Variants in SLC7A11 observed in about 807,000 individuals in gnomAD.
The protein encoded by SLC7A11 is solute carrier family 7 member 11, also known as cystine/glutamate transporter.
Under a neutral mutation model 54.5 loss-of-function variants are expected in SLC7A11, and 35 were observed. That is an observed-to-expected ratio of 0.64 (90% CI 0.49 to 0.85). The LOEUF (loss-of-function observed/expected upper bound fraction) is 0.85, where lower values mean the gene tolerates loss of function less well. SLC7A11 is among the 40% of genes least tolerant of loss of function. The probability of loss-of-function intolerance (pLI) is 0.00; values close to 1 mark genes in which losing one functional copy is unlikely to be tolerated. For missense variants in SLC7A11, 583 were observed against 618.1 expected (o/e 0.94, Z 0.60); for synonymous variants, 230 against 225.2 (o/e 1.02, Z -0.19).
chr4:138,179,788 G>A (rs898772279), intron 10 of SLC7A11, among the ~76,000 whole-genome samples: 9 of 152,102 alleles, frequency 5.9e-5, no homozygotes, highest in South Asian at 2.1e-4. Flanking sequence ...GGAGTCAAGA[G>A]CACCGGCTGC....
Position 138,236,359 on chromosome 4 carries a change from A to G in SLC7A11, c.370T>C (p.Phe124Leu). 6.2e-7 allele frequency: 1 copy of G among 1,613,576 alleles called. No homozygotes were observed. The highest frequency in any genetic ancestry group is 8.5e-7 in the Non-Finnish European group (1 of 1,179,652). Residue 124 changes from phenylalanine (F) to leucine (L), a missense_variant, in exon 2 of 12, where the codon TTT (phenylalanine) becomes CTT (leucine). Transcript: ENST00000280612. ...ILEVFGPLPA[F>L]VRVWVELLII... Reference sequence around the variant, plus strand: ...AGGAGTTCCACCCAGACTCGTACAAAAGCTGGTAATGGACCAAAGACTTCC... The same window carrying G: ...AGGAGTTCCACCCAGACTCGTACAAGAGCTGGTAATGGACCAAAGACTTCC...
At position 138,165,011 on chromosome 4, in the gene SLC7A11, A is replaced by G. The variant is rs867025825; in HGVS notation, c.*6945T>C. 1 of 152,240 alleles carries G rather than the reference A, an allele frequency of 6.6e-6. No individual in the cohort carries two copies. Among genetic ancestry groups the G allele is most frequent in the Non-Finnish European group, 1.5e-5 (1 of 68,012 alleles). 9.4% of individuals were successfully genotyped at this position (152,240 alleles called of 1,614,324 possible). A position where few individuals can be genotyped will look rare whatever the true frequency, so the allele number is the denominator to read the frequency against. ...AAATGGACTCCACTTGTTGCAAATTATAAATGCTTGTCACAGAATATGAAA... is the reference window on the plus strand; with the variant it reads ...AAATGGACTCCACTTGTTGCAAATTGTAAATGCTTGTCACAGAATATGAAA... On this transcript the variant is annotated 3_prime_UTR_variant, in exon 12 of 12. Coordinates refer to ENST00000280612, the MANE Select transcript of SLC7A11 (RefSeq NM_014331.4).
At chr4:138,221,760 TAA>T (rs1737819124) in intron 4 of SLC7A11, among the ~76,000 whole-genome samples, 1 of 152,200 alleles carries the variant, frequency 6.6e-6, no homozygotes, top group Non-Finnish European at 1.5e-5. Flanking sequence ...AAAAATTGAA[TAA>T]AGTCTATAAT....
At chr4:138,185,411 C>T (rs1736852227) in intron 6 of SLC7A11, among the ~76,000 whole-genome samples, 167 bp from the exon 7 acceptor site, 1 of 152,028 alleles carries the variant, frequency 6.6e-6, no homozygotes, top group South Asian at 2.1e-4. Context: ...ACCACATATT[C>T]CTTTGTAACT....
chr4:138,220,455 TG>T (rs1374783593), intron 4 of SLC7A11, among the ~76,000 whole-genome samples: 6 of 131,690 alleles, frequency 4.6e-5, no homozygotes, highest in Non-Finnish European at 8.7e-5. Context: ...GAGAATGACA[TG>T]TTTTTTTTCC....
At chr4:138,228,387 T>A (rs914459352) in intron 3 of SLC7A11, among the ~76,000 whole-genome samples, 4 of 152,086 alleles carry the variant, frequency 2.6e-5, no homozygotes, top group Non-Finnish European at 4.4e-5. Flanking sequence ...GATAAATATT[T>A]TAAATATTGA....
chr4:138,172,066 A>C (rs760259203), intron 11 of SLC7A11, 49 bp from the exon 12 acceptor site: 1 of 1,552,374 alleles, frequency 6.4e-7, no homozygotes, highest in Non-Finnish European at 8.7e-7. Flanking sequence ...TCAGAAATGC[A>C]TTAAAAATAG....
At chr4:138,187,835 A>G (rs1698552192) in intron 6 of SLC7A11, among the ~76,000 whole-genome samples, 1 of 152,098 alleles carries the variant, frequency 6.6e-6, no homozygotes, top group South Asian at 2.1e-4. Context: ...AGAAAACAGA[A>G]GCTCACAATA....
chr4:138,192,936 T>C (rs1737045835), intron 6 of SLC7A11, among the ~76,000 whole-genome samples: 1 of 152,124 alleles, frequency 6.6e-6, no homozygotes, highest in Non-Finnish European at 1.5e-5. Context: ...GTTAAGTAAA[T>C]ATACTCTTAT....
chr4:138,223,619 G>C (rs1234953598), intron 3 of SLC7A11, among the ~76,000 whole-genome samples: 2 of 152,104 alleles, frequency 1.3e-5, no homozygotes, highest in South Asian at 2.1e-4. Context: ...ATATATTGTA[G>C]TACTCTAACA....
intron 6 of SLC7A11, among the ~76,000 whole-genome samples, chr4:138,200,609 A>C (rs1310836546): frequency 2.6e-5 from 4 of 152,136 alleles, no homozygotes; most frequent in Non-Finnish European, 4.4e-5. Flanking sequence ...AAGCATTTGG[A>C]AAGAGTACTA....
intron 3 of SLC7A11, among the ~76,000 whole-genome samples, chr4:138,228,118 T>G (rs1247572724): frequency 6.6e-6 from 1 of 152,166 alleles, no homozygotes; most frequent in African/African-American, 2.4e-5. Context: ...GTAATTTTTT[T>G]CACAATACAA....
chr4:138,200,886 TATG>T (rs1737263514), intron 6 of SLC7A11, among the ~76,000 whole-genome samples: 1 of 152,132 alleles, frequency 6.6e-6, no homozygotes, highest in Admixed American at 6.6e-5. Context: ...ACACGGGTAA[TATG>T]ATAATTGAAA....
Position 138,171,973 on chromosome 4 carries a change from C to T in SLC7A11, c.1489G>A (p.Glu497Lys), listed in dbSNP as rs939606225. The T allele has an allele frequency of 1.3e-6, 2 of 1,596,604 alleles. No homozygotes were observed. The highest frequency in any genetic ancestry group is 1.8e-5 in the Admixed American group (1 of 56,002). ...TLQIILEVVP[E>K]EDKL ...CCATTAGTTCATAACTTATCTTCTTCTGGTACAACTTCCAGTATTATTTGT... is the reference window on the plus strand; with the variant it reads ...CCATTAGTTCATAACTTATCTTCTTTTGGTACAACTTCCAGTATTATTTGT... Residue 497 changes from glutamate to lysine, a missense_variant, in exon 12 of 12, where the codon GAA (glutamate) becomes AAA (lysine). Physicochemically the swap from Glu to Lys is moderately conservative, Grantham distance 56. Transcript: ENST00000280612.
intron 6 of SLC7A11, among the ~76,000 whole-genome samples, chr4:138,199,669 A>G (rs962733436): frequency 3.9e-5 from 6 of 152,040 alleles, no homozygotes; most frequent in African/African-American, 1.4e-4. Flanking sequence ...GCAATAGAGC[A>G]GAACTAGCAC....
chr4:138,223,476 G>T, intron 3 of SLC7A11, 152 bp from the exon 4 acceptor site: 1 of 766,380 alleles, frequency 1.3e-6, no homozygotes, highest in Non-Finnish European at 2.1e-6. Context: ...CTCTGCCCCA[G>T]GCCTAATGAA....
chr4:138,210,181 C>T (rs1737513718), intron 6 of SLC7A11, among the ~76,000 whole-genome samples: 1 of 151,876 alleles, frequency 6.6e-6, no homozygotes, highest in South Asian at 2.1e-4. Context: ...ACCTGGATAA[C>T]CAGCCAGCCT....
intron 2 of SLC7A11, among the ~76,000 whole-genome samples, chr4:138,232,934 T>C (rs929900309): frequency 1.8e-4 from 28 of 152,286 alleles, no homozygotes; most frequent in Admixed American, 1.3e-4. Flanking sequence ...CTTAATCCTA[T>C]AGTAACATTC....
intron 6 of SLC7A11, among the ~76,000 whole-genome samples, chr4:138,190,652 A>C (rs1413475198): frequency 1.3e-5 from 2 of 152,186 alleles, no homozygotes; most frequent in Non-Finnish European, 2.9e-5. Context: ...CAAAAAAAGT[A>C]AATGAGTACA....
Sources: gnomAD v4.1 joint callset for allele counts (sites outside exome capture counted in the v4.1 genomes callset) on GRCh38, gnomAD v4.1.1 for gene constraint, MANE v1.5 for transcripts, NCBI Gene and HGNC (gene_info 2026-07-23, HGNC 2026-07-21) for gene names.